The following SLC5A10 variants were observed in gnomAD, a reference collection of about 807,000 sequenced individuals.
SLC5A10 encodes sodium/mannose cotransporter SLC5A10.
In SLC5A10, 55 loss-of-function variants were observed where a neutral mutation model predicts 68.9. The ratio of observed to expected loss-of-function variants is 0.80; its 90% confidence interval spans 0.64 to 1.00. The LOEUF (loss-of-function observed/expected upper bound fraction) is 1.00. SLC5A10 is among the 50% of genes least tolerant of loss of function. The probability of loss-of-function intolerance (pLI) is 0.00; values close to 1 mark genes in which losing one functional copy is unlikely to be tolerated. For synonymous variants in SLC5A10, 344 were observed against 344.8 expected, an observed-to-expected ratio of 1.00 and a Z score of 0.02; for missense variants, 732 against 819.3, an observed-to-expected ratio of 0.89 and a Z score of 1.30.
chr17:18,983,808 G>A (rs559527959), intron 9 of SLC5A10, among the ~76,000 whole-genome samples: 6 of 152,292 alleles, frequency 3.9e-5, no homozygotes, highest in Admixed American at 3.9e-4. Context: ...AGTATGTGAC[G>A]GCATGTAGGG....
At chr17:18,955,463 G>A (rs1465611047) in intron 1 of SLC5A10, among the ~76,000 whole-genome samples, 1 of 152,212 alleles carries the variant, frequency 6.6e-6, no homozygotes, top group South Asian at 2.1e-4. Context: ...CTGGCATGGG[G>A]GCCTTCGGGG....
chr17:18,977,751 T>C, intron 9 of SLC5A10: 1 of 1,605,970 alleles, frequency 6.2e-7, no homozygotes, highest in East Asian at 2.2e-5. Flanking sequence ...GTTGGCCCGT[T>C]GGCCACTTGC....
At chr17:19,010,107 G>A (rs1021052252) in intron 9 of SLC5A10, among the ~76,000 whole-genome samples, 7 of 152,158 alleles carry the variant, frequency 4.6e-5, no homozygotes, top group African/African-American at 1.4e-4. Context: ...TACCCCGGCA[G>A]CGGCTGGAGA....
chr17:19,012,699 G>A (rs2152153363), intron 9 of SLC5A10, among the ~76,000 whole-genome samples: 1 of 152,240 alleles, frequency 6.6e-6, no homozygotes, highest in Non-Finnish European at 1.5e-5. Flanking sequence ...GATCACCCAG[G>A]GTCTTGTAGA....
chr17:19,015,414 C>T (rs1233840397), intron 11 of SLC5A10, among the ~76,000 whole-genome samples: 1 of 152,160 alleles, frequency 6.6e-6, no homozygotes, highest in Non-Finnish European at 1.5e-5. Context: ...GATGCATCTC[C>T]ACCCTTGAGC....
At chr17:18,958,177 G>T (rs903359127) in intron 1 of SLC5A10, among the ~76,000 whole-genome samples, 1 of 152,200 alleles carries the variant, frequency 6.6e-6, no homozygotes, top group Non-Finnish European at 1.5e-5. Context: ...CTCAAGAGAT[G>T]CTCCCACCTC....
rs2151999233 is a variant in SLC5A10 at position 18,968,916 on chromosome 17, G to A, written c.454-136G>A. 1.4e-6 allele frequency: 1 copy of A among 710,966 alleles called. No homozygotes were observed. Among genetic ancestry groups the A allele is most frequent in the East Asian group, 2.8e-5 (1 of 35,956 alleles). The allele number at this position is 710,966 out of a possible 1,614,324, so 44.0% of individuals were successfully genotyped here. Reference sequence around the variant, plus strand: ...CACAATGGCCCCGTGATGCAGGCAGGCAGGCGAGTGGGGGTCTCCCCTCCT... The same window carrying A: ...CACAATGGCCCCGTGATGCAGGCAGACAGGCGAGTGGGGGTCTCCCCTCCT... On this transcript the variant is annotated intron_variant, in intron 5 of 14. Transcript: ENST00000395645. The surrounding 1 kb of genome is among the most constrained non-coding windows in gnomAD (Gnocchi z 4.1).
chr17:18,977,688 C>A, intron 9 of SLC5A10: 1 of 1,610,704 alleles, frequency 6.2e-7, no homozygotes, highest in South Asian at 1.1e-5. Context: ...TGGGGTCCAA[C>A]AAAGGTCCCT....
intron 13 of SLC5A10, 102 bp downstream of exon 13, chr17:19,020,030 C>A: frequency 1.4e-6 from 2 of 1,428,894 alleles, no homozygotes; most frequent in Non-Finnish European, 1.9e-6. Flanking sequence ...TAGCCCTGGA[C>A]TACCTAGCCC....
chr17:18,972,724 C>T (rs1388389683), intron 8 of SLC5A10, among the ~76,000 whole-genome samples: 7 of 152,082 alleles, frequency 4.6e-5, no homozygotes, highest in South Asian at 2.1e-4. Flanking sequence ...TAGCTGGGCA[C>T]GGTGGCAGGC....
intron 9 of SLC5A10, among the ~76,000 whole-genome samples, chr17:18,982,744 C>T (rs1160002631): frequency 1.3e-5 from 2 of 152,216 alleles, no homozygotes; most frequent in East Asian, 1.9e-4. Flanking sequence ...GTGCCAAGCC[C>T]GCTGGTGCGA....
At chr17:18,973,906 T>A (rs866968643) in intron 8 of SLC5A10, among the ~76,000 whole-genome samples, 2 of 143,186 alleles carry the variant, frequency 1.4e-5, no homozygotes, top group African/African-American at 5.3e-5. Context: ...TTTTTTTTTT[T>A]CCCAGAGACA....
At position 19,017,619 on chromosome 17, in the gene SLC5A10, C is replaced by A. The variant is rs2044168170; in HGVS notation, c.1242-1804C>A. The A allele has an allele frequency of 3.7e-6, 2 of 536,242 alleles. No homozygotes were observed. Among genetic ancestry groups the A allele is most frequent in the Non-Finnish European group, 6.8e-6 (2 of 296,224 alleles). The allele number at this position is 536,242 out of a possible 1,614,324, so 33.2% of individuals were successfully genotyped here. A position where few individuals can be genotyped will look rare whatever the true frequency, so the allele number is the denominator to read the frequency against. On this transcript the variant is annotated intron_variant, in intron 11 of 14. Coordinates refer to ENST00000395645, the MANE Select transcript of SLC5A10 (RefSeq NM_001042450.4). The surrounding 1 kb of genome is among the most constrained non-coding windows in gnomAD (Gnocchi z 5.6). ...ACTCCCGTATGCCTGCCCCAAGCCC[C>A]CACACCTCAGTCCACTGTTCCGCCA...
intron 1 of SLC5A10, among the ~76,000 whole-genome samples, chr17:18,957,581 T>A (rs575354230): frequency 1.3e-5 from 2 of 152,176 alleles, no homozygotes; most frequent in African/African-American, 4.8e-5. Context: ...CAATTCTGCC[T>A]CAGCCTCCCG....
chr17:18,952,515 C>T lies in SLC5A10; in HGVS notation c.111+199C>T, dbSNP rs143985883. ...GCCCGTTTCTCTCTTTGGGTAATGG[C>T]GTCTCCATCTGCAAAGTGAGGAGGA... On this transcript the variant is annotated intron_variant, in intron 1 of 14. Transcript: ENST00000395645. The T allele has an allele frequency of 2.8e-4, 162 of 574,970 alleles. 3 individuals carry two copies. The East Asian group carries it at 4.9e-3, about 17-fold the overall frequency. 35.6% of individuals were successfully genotyped at this position (574,970 alleles called of 1,614,324 possible).
chr17:18,987,921 GGT>G (rs1475951078), intron 9 of SLC5A10, among the ~76,000 whole-genome samples: 1 of 152,212 alleles, frequency 6.6e-6, no homozygotes, highest in Admixed American at 6.5e-5. Context: ...TATCACCAGA[GGT>G]ATGCAAGCAA....
intron 7 of SLC5A10, 111 bp from the exon 8 acceptor site, chr17:18,970,901 AC>A: frequency 1.1e-5 from 11 of 975,632 alleles, no homozygotes; most frequent in Non-Finnish European, 1.6e-5. Flanking sequence ...GGTGGAAAAA[AC>A]TCAAGTTTGA....
chr17:18,993,175 CT>C (rs2043473128), intron 9 of SLC5A10, among the ~76,000 whole-genome samples: 2 of 152,102 alleles, frequency 1.3e-5, no homozygotes, highest in South Asian at 4.2e-4. Context: ...ATCCTGACCC[CT>C]CTCCCCGACG....
intron 9 of SLC5A10, among the ~76,000 whole-genome samples, chr17:19,007,341 A>G (rs558669011): frequency 3.9e-5 from 6 of 151,950 alleles, no homozygotes; most frequent in African/African-American, 1.4e-4. Context: ...ACATTTGTTC[A>G]TGTCTTTTGC....
Sources: gnomAD v4.1 joint callset for allele counts (sites outside exome capture counted in the v4.1 genomes callset) on GRCh38, gnomAD v4.1.1 for gene constraint, Gnocchi (gnomAD v3.1) non-coding constraint, MANE v1.5 for transcripts, NCBI Gene and HGNC (gene_info 2026-07-23, HGNC 2026-07-21) for gene names.